OAS2: variants seen among roughly 807,000 people sequenced by gnomAD.
The protein encoded by OAS2 is 2'-5'-oligoadenylate synthase 2.
Under a neutral mutation model 71.3 loss-of-function variants are expected in OAS2, and 67 were observed. That is an observed-to-expected ratio of 0.94 (90% CI 0.77 to 1.15). The LOEUF is 1.15. OAS2 is among the 50% of genes most tolerant of loss of function. OAS2 has a pLI of 0.00. For missense variants in OAS2, 789 were observed against 822.5 expected (o/e 0.96, Z 0.50); for synonymous variants, 327 against 321.8 (o/e 1.02, Z -0.17).
At chr12:113,007,648 G>A (rs534288707) in intron 8 of OAS2, 57 bp from the exon 9 acceptor site, 56 of 1,417,194 alleles carry the variant, frequency 4.0e-5, no homozygotes, top group Admixed American at 5.1e-5. Context: ...GTCCCTGTGC[G>A]GCTCTCACTG....
chr12:113,007,858 C>T lies in OAS2; in HGVS notation c.1810C>T (p.Gln604Ter), dbSNP rs1330368645. ...CCTGGAGCTGGTCACACAATATCAG[C>T]AGCTCTGCATCTTCTGGAAGGTCAA... is the stretch of plus-strand genomic sequence containing the variant. ...TVLELVTQYQ[Q>*]LCIFWKVNYN... Residue 604 changes from glutamine (Q) to a stop codon, truncating the protein, a stop_gained, in exon 9 of 10, where the codon CAG becomes TAG. Coordinates refer to ENST00000392583, the MANE Select transcript of OAS2 (RefSeq NM_002535.3). LOFTEE classifies it high-confidence loss of function. 3.7e-6 allele frequency: 6 copies of T among 1,614,080 alleles called. No homozygotes were observed. In the African/African-American group the frequency reaches 6.7e-5, roughly 18 times the overall value.
At chr12:112,998,498 T>C in intron 5 of OAS2, 88 bp downstream of exon 5, 2 of 1,434,470 alleles carry the variant, frequency 1.4e-6, no homozygotes, top group Non-Finnish European at 1.9e-6. Context: ...GAGTACTCTA[T>C]ATTCGTTTCC....
intron 1 of OAS2, among the ~76,000 whole-genome samples, chr12:112,984,154 C>T (rs1202189435): frequency 1.3e-5 from 2 of 152,178 alleles, no homozygotes; most frequent in Admixed American, 6.5e-5. Flanking sequence ...GGCAGTCTCT[C>T]GGTCTCTGTT....
intron 8 of OAS2, among the ~76,000 whole-genome samples, chr12:113,006,803 A>G (rs558853823): frequency 1.3e-5 from 2 of 152,292 alleles, no homozygotes; most frequent in East Asian, 1.9e-4. Context: ...CAAAGCTGCT[A>G]CATGTGGTTT....
At chr12:112,989,334 C>A (rs1447114776) in intron 2 of OAS2, among the ~76,000 whole-genome samples, 1 of 152,200 alleles carries the variant, frequency 6.6e-6, no homozygotes, top group Non-Finnish European at 1.5e-5. Flanking sequence ...AAACCTCTTT[C>A]CTTTATAAAC....
At chr12:112,987,817 T>TTGTTTTGATAGTTA in intron 2 of OAS2, 1 of 988,354 alleles carries the variant, frequency 1.0e-6, no homozygotes. Context: ...GGCAACGACC[T>TTGTTTTGATAGTTA]TCCATAGATA....
In OAS2 at chr12:113,010,318, G is replaced by A; in HGVS notation, c.*1063G>A. ...CCCTTTTTTCCCCTAACTCTTTTAA[G>A]CAATGATTGTAACTATTAGGAGACA... On this transcript the variant is annotated 3_prime_UTR_variant, in exon 10 of 10. Coordinates refer to ENST00000392583, the MANE Select transcript of OAS2 (RefSeq NM_002535.3). 1 of 1,555,374 alleles carries A rather than the reference G, an allele frequency of 6.4e-7. No homozygotes were observed. Among genetic ancestry groups the A allele is most frequent in the Non-Finnish European group, 8.7e-7 (1 of 1,153,010 alleles).
At chr12:112,989,270 C>T (rs2044169540) in intron 2 of OAS2, among the ~76,000 whole-genome samples, 1 of 152,228 alleles carries the variant, frequency 6.6e-6, no homozygotes, top group Non-Finnish European at 1.5e-5. Flanking sequence ...ATGTCCCTTG[C>T]TCTTCCACCA....
intron 5 of OAS2, among the ~76,000 whole-genome samples, chr12:112,999,346 G>T (rs2044263602): frequency 6.6e-6 from 1 of 152,218 alleles, no homozygotes; most frequent in Non-Finnish European, 1.5e-5. Flanking sequence ...TCCCAGGTTA[G>T]ACCACTGAGC....
At position 113,009,602 on chromosome 12, in the gene OAS2, T is replaced by C. The variant is rs1005114899; in HGVS notation, c.*347T>C. Reference sequence around the variant, plus strand: ...GGCTCCACCCTCTTTAGCTGTTAATTTGAGTACTTATGGCCCTGAAAGCGG... The same window carrying C: ...GGCTCCACCCTCTTTAGCTGTTAATCTGAGTACTTATGGCCCTGAAAGCGG... On this transcript the variant is annotated 3_prime_UTR_variant, in exon 10 of 10. Coordinates refer to ENST00000392583, the MANE Select transcript of OAS2 (RefSeq NM_002535.3). The C allele has an allele frequency of 1.2e-5, 12 of 1,013,060 alleles. No homozygotes were observed. In the African/African-American group the frequency reaches 1.2e-4, roughly 10 times the overall value. The allele number at this position is 1,013,060 out of a possible 1,614,324, so 62.8% of individuals were successfully genotyped here.
chr12:112,998,514 T>C lies in OAS2; in HGVS notation c.1008+104T>C. ...AGTACTCTATATTCGTTTCCTGTAT[T>C]GCTGTTACAAAGTTCCACAACACAG... On this transcript the variant is annotated intron_variant, in intron 5 of 9. Coordinates refer to ENST00000392583, the MANE Select transcript of OAS2 (RefSeq NM_002535.3). The C allele has an allele frequency of 2.3e-6, 3 of 1,297,722 alleles. No homozygotes were observed. The Admixed American group carries it at 7.5e-5, about 32-fold the overall frequency. The allele number at this position is 1,297,722 out of a possible 1,614,324, so 80.4% of individuals were successfully genotyped here.
intron 2 of OAS2, chr12:112,987,923 C>G (rs2044155335): frequency 1.0e-6 from 1 of 985,444 alleles, no homozygotes; most frequent in Non-Finnish European, 1.2e-6. Context: ...CATTCCCACA[C>G]TCTTGCATAT....
intron 2 of OAS2, among the ~76,000 whole-genome samples, 181 bp from the exon 3 acceptor site, chr12:112,995,115 A>C (rs1266211388): frequency 1.3e-5 from 2 of 152,182 alleles, no homozygotes; most frequent in East Asian, 3.8e-4. Context: ...ACTACACTTT[A>C]TTATCTAATG....
Position 113,002,933 on chromosome 12 carries a change from C to CT in OAS2, c.1011dup (p.Ala338CysfsTer13). ...TTGGGGTCTTCCTTCCTTCCCCAGCCTGCACCACTCTTCACGACCCCAGGC... is the reference window on the plus strand; with the variant it reads ...TTGGGGTCTTCCTTCCTTCCCCAGCCTTGCACCACTCTTCACGACCCCAGGC... On this transcript the variant is annotated frameshift_variant and splice_region_variant, in exon 6 of 10. Coordinates refer to ENST00000392583, the MANE Select transcript of OAS2 (RefSeq NM_002535.3). LOFTEE classifies it high-confidence loss of function. 1 of 1,613,950 alleles carries CT rather than the reference C, an allele frequency of 6.2e-7. No individual in the cohort carries two copies. The highest frequency in any genetic ancestry group is 8.5e-7 in the Non-Finnish European group (1 of 1,179,862).
chr12:112,996,889 C>T (rs1350980490), intron 3 of OAS2, among the ~76,000 whole-genome samples: 4 of 152,144 alleles, frequency 2.6e-5, no homozygotes, highest in Non-Finnish European at 4.4e-5. Context: ...AGCTCTGGCT[C>T]GTAGGTGTGA....
chr12:112,998,934 AG>A (rs2136388635), intron 5 of OAS2, among the ~76,000 whole-genome samples: 1 of 152,376 alleles, frequency 6.6e-6, no homozygotes, highest in South Asian at 2.1e-4. Flanking sequence ...AGCATCTTTT[AG>A]GGAGACACAG....
intron 2 of OAS2, among the ~76,000 whole-genome samples, chr12:112,992,416 AAAG>A (rs1485732071): frequency 4.7e-5 from 7 of 148,092 alleles, no homozygotes; most frequent in African/African-American, 1.7e-4. Context: ...GAAAGAAAGA[AAAG>A]AAAAGGGGAG....
intron 2 of OAS2, among the ~76,000 whole-genome samples, chr12:112,992,735 A>G (rs558742635): frequency 6.6e-6 from 1 of 152,124 alleles, no homozygotes; most frequent in Admixed American, 6.5e-5. Context: ...TCCTGGTCCT[A>G]CTACTCACTT....
At chr12:112,992,724 A>G (rs997239796) in intron 2 of OAS2, among the ~76,000 whole-genome samples, 15 of 152,264 alleles carry the variant, frequency 9.9e-5, no homozygotes, top group Admixed American at 8.5e-4. Flanking sequence ...CTGAGTTCTT[A>G]TCCTGGTCCT....
Sources: allele counts gnomAD v4.1 joint callset (sites outside exome capture counted in the v4.1 genomes callset), GRCh38; gene constraint gnomAD v4.1.1; transcripts MANE v1.5; gene names NCBI Gene and HGNC (gene_info 2026-07-23, HGNC 2026-07-21).